SEC63: variants seen among roughly 807,000 people sequenced by gnomAD.
SEC63 encodes SEC63 protein translocation regulator.
A neutral mutation model predicts 116.2 loss-of-function variants in SEC63; 56 were observed. The observed-to-expected ratio is 0.48, with a 90% CI of 0.39 to 0.60. The LOEUF is 0.60. SEC63 is among the 20% of genes least tolerant of loss of function. SEC63 has a pLI of 0.00. For synonymous variants in SEC63, 273 were observed against 294.6 expected (o/e 0.93, Z 0.75); for missense variants, 668 against 900.0 (o/e 0.74, Z 3.30).
chr6:107,891,219 G>A (rs1224610271), intron 16 of SEC63, among the ~76,000 whole-genome samples: 1 of 151,934 alleles, frequency 6.6e-6, no homozygotes, highest in Non-Finnish European at 1.5e-5. Flanking sequence ...ACATAGATTT[G>A]GTCTTTTCAC....
At position 107,929,485 on chromosome 6, in the gene SEC63, C is replaced by G. The variant is rs540712981; in HGVS notation, c.154G>C (p.Val52Leu). The G allele has an allele frequency of 1.9e-6, 3 of 1,599,232 alleles. No homozygotes were observed. The highest frequency in any genetic ancestry group is 2.6e-6 in the Non-Finnish European group (3 of 1,166,906). Residue 52 changes from valine (V) to leucine (L), a missense_variant, in exon 2 of 21, where the codon GTA (valine) becomes CTA (leucine). Transcript: ENST00000369002. ...EQIRLKNIRKVYGRCMWYRLR... is the reference protein window; with the variant it reads ...EQIRLKNIRKLYGRCMWYRLR... ...CGATACCACATACACCTTCCATATA[C>G]TTTTCTGATATTCTTTAATCGAATT...
At chr6:107,910,557 A>G (rs1168775520) in intron 7 of SEC63, among the ~76,000 whole-genome samples, 3 of 150,392 alleles carry the variant, frequency 2.0e-5, no homozygotes, top group Admixed American at 1.3e-4. Context: ...ACATATATGC[A>G]TGTCATACAT....
chr6:107,941,111 C>T (rs541576264), intron 1 of SEC63, among the ~76,000 whole-genome samples: 2 of 152,266 alleles, frequency 1.3e-5, no homozygotes, highest in South Asian at 2.1e-4. Flanking sequence ...TTAAACACCA[C>T]ATACCCCAAA....
chr6:107,931,109 C>T (rs978544144), intron 1 of SEC63, among the ~76,000 whole-genome samples: 1 of 152,104 alleles, frequency 6.6e-6, no homozygotes, highest in African/African-American at 2.4e-5. Context: ...GCAGGCGGAT[C>T]ACGAGGTCAG....
intron 16 of SEC63, among the ~76,000 whole-genome samples, chr6:107,887,515 G>A (rs922406534): frequency 1.4e-4 from 21 of 147,090 alleles, no homozygotes; most frequent in African/African-American, 4.8e-4. Context: ...ACCAAACACC[G>A]CATATTCTCA....
intron 1 of SEC63, chr6:107,957,600 AG>A: frequency 4.0e-6 from 1 of 252,928 alleles, no homozygotes; most frequent in Non-Finnish European, 7.4e-6. Context: ...ATAAAAGCAA[AG>A]GCAGAGAAGA....
intron 2 of SEC63, among the ~76,000 whole-genome samples, chr6:107,928,863 A>C (rs1787734886): frequency 6.6e-6 from 1 of 152,240 alleles, no homozygotes; most frequent in South Asian, 2.1e-4. Context: ...TGTTTAAAAT[A>C]AAGGGTGATT....
intron 1 of SEC63, among the ~76,000 whole-genome samples, chr6:107,935,476 G>T (rs564130471): frequency 6.6e-6 from 1 of 150,720 alleles, no homozygotes; most frequent in African/African-American, 2.5e-5. Context: ...GGATCCTGTT[G>T]ATCGGTGACC....
rs749623246 is a variant in SEC63 at position 107,893,565 on chromosome 6, G to T, written c.1591C>A (p.Pro531Thr). 3 of 1,595,396 alleles carry T rather than the reference G, an allele frequency of 1.9e-6. No homozygotes were observed. Among genetic ancestry groups the T allele is most frequent in the Admixed American group, 1.8e-5 (1 of 55,690 alleles). The change falls in exon 16 of 21, where the codon CCT (proline) becomes ACT (threonine). Residue 531 changes from proline to threonine, a missense_variant. Transcript: ENST00000369002. ...KKTAKSKKKK[P>T]LKKKPTPVLL... The stretch of plus-strand genomic sequence containing the variant: ...ACAGGTGTAGGTTTTTTTTTTAAAG[G>T]TTTCTTTTTTTTTGATTTAGCAGTT...
chr6:107,935,323 A>G (rs1770208662), intron 1 of SEC63, among the ~76,000 whole-genome samples: 1 of 151,810 alleles, frequency 6.6e-6, no homozygotes, highest in Non-Finnish European at 1.5e-5. Context: ...GGCCGGGATG[A>G]CAATGGCGGT....
In SEC63 at chr6:107,869,456, T is replaced by C. The variant is rs982318619; in HGVS notation, c.*2248A>G. On this transcript the variant is annotated 3_prime_UTR_variant, in exon 21 of 21. Coordinates refer to ENST00000369002, the MANE Select transcript of SEC63 (RefSeq NM_007214.5). ...ATACACTGTATGATCTATAGGCTCA[T>C]CAATTGTTGACAAAATGTCAGTTTC... 1.3e-5 allele frequency: 2 copies of C among 152,196 alleles called. No individual in the cohort carries two copies. Among genetic ancestry groups the C allele is most frequent in the African/African-American group, 4.8e-5 (2 of 41,456 alleles). 9.4% of individuals were successfully genotyped at this position (152,196 alleles called of 1,614,324 possible).
intron 1 of SEC63, among the ~76,000 whole-genome samples, chr6:107,941,556 A>T (rs1701187604): frequency 1.3e-5 from 2 of 152,166 alleles, no homozygotes; most frequent in South Asian, 4.1e-4. Flanking sequence ...ACAGTGGAAG[A>T]AAAAAATCCA....
At chr6:107,915,117 C>T (rs927312788) in intron 4 of SEC63, among the ~76,000 whole-genome samples, 1 of 152,030 alleles carries the variant, frequency 6.6e-6, no homozygotes, top group South Asian at 2.1e-4. Flanking sequence ...TTAAAAGCTG[C>T]GTAATTTTAG....
intron 12 of SEC63, among the ~76,000 whole-genome samples, chr6:107,902,003 T>C (rs1387341080): frequency 2.6e-5 from 4 of 152,142 alleles, no homozygotes; most frequent in Non-Finnish European, 5.9e-5. Flanking sequence ...TCTTAAAATA[T>C]AGCTATTACT....
chr6:107,953,314 G>A (rs1770618110), intron 1 of SEC63, among the ~76,000 whole-genome samples: 1 of 152,244 alleles, frequency 6.6e-6, no homozygotes, highest in Non-Finnish European at 1.5e-5. Flanking sequence ...TGTACTACGG[G>A]GGTCCTCATC....
At chr6:107,913,033 T>C (rs1000640627) in intron 5 of SEC63, among the ~76,000 whole-genome samples, 3 of 152,142 alleles carry the variant, frequency 2.0e-5, no homozygotes, top group Admixed American at 1.3e-4. Flanking sequence ...ATATAAATTA[T>C]TTTATATGTC....
intron 1 of SEC63, among the ~76,000 whole-genome samples, chr6:107,955,796 C>G (rs111964377): frequency 0.089 from 13,584 of 152,120 alleles, 704 homozygotes; most frequent in Non-Finnish European, 0.11. Context: ...TGTGGCAGAA[C>G]TGCTTGAACC....
chr6:107,898,934 A>C (rs995689943), intron 13 of SEC63, among the ~76,000 whole-genome samples: 1 of 152,194 alleles, frequency 6.6e-6, no homozygotes, highest in Non-Finnish European at 1.5e-5. Flanking sequence ...TACCCGCTAC[A>C]AGGTGCAGCA....
intron 1 of SEC63, among the ~76,000 whole-genome samples, chr6:107,935,514 CAT>C (rs1196566177): frequency 6.7e-6 from 1 of 149,276 alleles, no homozygotes; most frequent in Non-Finnish European, 1.5e-5. Flanking sequence ...CTCTCTGAAA[CAT>C]GTGCTGTGTC....
Sources: allele counts gnomAD v4.1 joint callset (sites outside exome capture counted in the v4.1 genomes callset), GRCh38; gene constraint gnomAD v4.1.1; transcripts MANE v1.5; gene names NCBI Gene and HGNC (gene_info 2026-07-23, HGNC 2026-07-21).